GRAMD1A: variants seen among roughly 807,000 people sequenced by gnomAD.
The protein encoded by GRAMD1A is protein Aster-A.
A neutral mutation model predicts 92.0 loss-of-function variants in GRAMD1A; 50 were observed. That is an observed-to-expected ratio of 0.54 (90% CI 0.43 to 0.69). The LOEUF is 0.69. Ranked by LOEUF, GRAMD1A falls within the 30% of genes least tolerant of loss-of-function variation. The pLI is 0.00. For synonymous variants in GRAMD1A, 405 were observed against 403.6 expected (o/e 1.00, Z -0.04); for missense variants, 819 against 978.9 (o/e 0.84, Z 2.18).
chr19:35,013,196 T>C lies in GRAMD1A; in HGVS notation c.607-60T>C, dbSNP rs2015365445. ...GGAGGCCGAGGGCTGGTGGGGAATC[T>C]GGCGGGCCGGGCTCTGGCTGGGGTG... On this transcript the variant is annotated intron_variant, in intron 7 of 19. Transcript: ENST00000317991. The surrounding 1 kb of genome is among the most constrained non-coding windows in gnomAD (Gnocchi z 4.9). The C allele has an allele frequency of 3.4e-6, 3 of 891,758 alleles. No individual in the cohort carries two copies. The highest frequency in any genetic ancestry group is 5.3e-6 in the Non-Finnish European group (3 of 568,600). The allele number at this position is 891,758 out of a possible 1,614,324, so 55.2% of individuals were successfully genotyped here.
chr19:35,017,277 T>G (rs2015709301), intron 11 of GRAMD1A, among the ~76,000 whole-genome samples: 1 of 152,138 alleles, frequency 6.6e-6, no homozygotes, highest in Non-Finnish European at 1.5e-5. Flanking sequence ...CTCTTTTCTT[T>G]ATAAGTTACT....
intron 16 of GRAMD1A, 52 bp from the exon 17 acceptor site, chr19:35,022,848 G>T: frequency 6.3e-7 from 1 of 1,581,894 alleles, no homozygotes; most frequent in Middle Eastern, 1.9e-4. Context: ...GGTGTCGGGG[G>T]CAGGCCAGGC....
chr19:35,016,283 G>A (rs191085881), intron 11 of GRAMD1A, among the ~76,000 whole-genome samples: 15 of 151,352 alleles, frequency 9.9e-5, no homozygotes, highest in East Asian at 5.8e-4. Flanking sequence ...TATAGTAAGC[G>A]TTTAATAAAT....
At chr19:35,007,521 G>A (rs1357982877) in intron 1 of GRAMD1A, among the ~76,000 whole-genome samples, 2 of 151,992 alleles carry the variant, frequency 1.3e-5, no homozygotes, top group Admixed American at 6.6e-5. Flanking sequence ...TCATGCCATT[G>A]CACTGCAGCC....
intron 17 of GRAMD1A, 40 bp from the exon 18 acceptor site, chr19:35,023,196 C>T: frequency 6.9e-7 from 1 of 1,448,234 alleles, no homozygotes; most frequent in Non-Finnish European, 9.7e-7. Flanking sequence ...TTCAGAGCAT[C>T]TAGACCCCAG....
intron 1 of GRAMD1A, among the ~76,000 whole-genome samples, chr19:35,004,776 C>T (rs62122152): frequency 0.057 from 8,602 of 152,244 alleles, 339 homozygotes; most frequent in East Asian, 0.16. Context: ...TACACTCCAT[C>T]TTAGTCCGCC....
chr19:35,004,917 G>A (rs2014686142), intron 1 of GRAMD1A, among the ~76,000 whole-genome samples: 1 of 152,086 alleles, frequency 6.6e-6, no homozygotes, highest in Non-Finnish European at 1.5e-5. Flanking sequence ...ATACCCAAGA[G>A]GAAACTGAGG....
rs2015439153 is a variant in GRAMD1A at position 35,013,968 on chromosome 19, TAAG to T, written c.871-218_871-216del. 6.6e-6 allele frequency among the ~76,000 whole-genome samples: 1 copy of T among 151,954 alleles called. No homozygotes were observed. Among genetic ancestry groups the T allele is most frequent in the Non-Finnish European group, 1.5e-5 (1 of 67,974 alleles). The stretch of plus-strand genomic sequence containing the variant: ...CAGACAGACAGACGGACAGGACAGG[TAAG>T]AAAGCTTATGGCTCAGGCATCTGAG... On this transcript the variant is annotated intron_variant, in intron 9 of 19. Coordinates refer to ENST00000317991, the MANE Select transcript of GRAMD1A (RefSeq NM_020895.5). The surrounding 1 kb of genome is among the most constrained non-coding windows in gnomAD (Gnocchi z 4.9).
upstream of GRAMD1A, chr19:34,996,405 A>G (rs2014039063): frequency 2.9e-5 from 23 of 804,594 alleles, no homozygotes; most frequent in East Asian, 6.0e-4. Context: ...AGCCCCACAG[A>G]GGGCTGACTC....
intron 11 of GRAMD1A, among the ~76,000 whole-genome samples, chr19:35,017,630 T>C (rs2015737172): frequency 6.6e-6 from 1 of 152,068 alleles, no homozygotes. Context: ...CTTCTCTCAA[T>C]ATTGGCCTCC....
Position 35,009,884 on chromosome 19 carries a change from T to C in GRAMD1A, c.241-4T>C, listed in dbSNP as rs748969366. On this transcript the variant is annotated splice_region_variant and splice_polypyrimidine_tract_variant and intron_variant, in intron 3 of 19. Transcript: ENST00000317991. ...CCAGGTTCTCACCTCTCAAACTTCC[T>C]CAGATGCTGAGCCCCACTTATAAGC... The C allele has an allele frequency of 6.3e-7, 1 of 1,594,812 alleles. No individual in the cohort carries two copies. The highest frequency in any genetic ancestry group is 2.2e-5 in the East Asian group (1 of 44,804).
Position 35,021,958 on chromosome 19 carries a change from C to G in GRAMD1A, c.1761C>G (p.Leu587=). 2.5e-6 allele frequency: 4 copies of G among 1,614,070 alleles called. No individual in the cohort carries two copies. Among genetic ancestry groups the G allele is most frequent in the Non-Finnish European group, 3.4e-6 (4 of 1,179,980 alleles). ...ARAGIHTSGS[L]SSRFSEPSVD... is the part of the protein sequence containing the mutation. The stretch of plus-strand genomic sequence containing the variant: ...CAAGCTGCTCTCCTGCAGGCTCCCT[C>G]AGCTCCCGCTTCTCCGAACCATCTG... Residue 587 remains leucine (L), a synonymous_variant, in exon 16 of 20, where the codon CTC becomes CTG. Transcript: ENST00000317991. This position sits in a 1 kb window ranked among gnomAD's most constrained non-coding sequence, Gnocchi z 5.3.
intron 17 of GRAMD1A, 27 bp downstream of exon 17, chr19:35,022,938 C>T (rs2016175650): frequency 6.5e-7 from 1 of 1,527,758 alleles, no homozygotes; most frequent in Non-Finnish European, 9.0e-7. Flanking sequence ...TCCCCCTGCC[C>T]TCCCCTCCCT....
At position 35,009,912 on chromosome 19, in the gene GRAMD1A, C is replaced by T. The variant is rs2015094738; in HGVS notation, c.265C>T (p.Arg89Cys). The T allele has an allele frequency of 2.5e-6, 4 of 1,611,000 alleles. No individual in the cohort carries two copies. Among genetic ancestry groups the T allele is most frequent in the Non-Finnish European group, 3.4e-6 (4 of 1,177,206 alleles). ...GATGCTGAGCCCCACTTATAAGCAG[C>T]GTAATGAGGACTTCCGGAAACTGTT... is the stretch of plus-strand genomic sequence containing the variant. ...YSMLSPTYKQ[R>C]NEDFRKLFSK... Residue 89 changes from arginine (R) to cysteine (C), a missense_variant, in exon 4 of 20, where the codon CGT becomes TGT. By Grantham distance (180) the Arg-to-Cys change is radical. Transcript: ENST00000317991.
chr19:34,999,916 C>T (rs537429157), upstream of GRAMD1A: 8 of 833,156 alleles, frequency 9.6e-6, no homozygotes, highest in South Asian at 3.8e-4. Context: ...TTCAGGCCCC[C>T]TCCCCCATAC....
At position 35,010,174 on chromosome 19, in the gene GRAMD1A, C is replaced by T; in HGVS notation, c.408C>T (p.Asn136=). 1.2e-6 allele frequency: 2 copies of T among 1,612,890 alleles called. No homozygotes were observed. The highest frequency in any genetic ancestry group is 1.7e-6 in the Non-Finnish European group (2 of 1,178,816). ...AGAACTGGATCTGCTTCTACAGCAA[C>T]ATCTTCCGCTGGGAGACCACGGTGA... is the stretch of plus-strand genomic sequence containing the variant. ...LSENWICFYS[N]IFRWETTISI... Residue 136 remains asparagine, a synonymous_variant, in exon 5 of 20, where the codon AAC becomes AAT. Transcript: ENST00000317991.
In GRAMD1A at chr19:35,021,663, C is replaced by T; in HGVS notation, c.1580-28C>T. ...GGGGGATGGCCTGGCCAGGTATGGA[C>T]ATCCAGAGCCCCCTCTCTTTTACGC... On this transcript the variant is annotated intron_variant, in intron 14 of 19. Coordinates refer to ENST00000317991, the MANE Select transcript of GRAMD1A (RefSeq NM_020895.5). This position sits in a 1 kb window ranked among gnomAD's most constrained non-coding sequence, Gnocchi z 5.3. 1 of 1,613,920 alleles carries T rather than the reference C, an allele frequency of 6.2e-7. No homozygotes were observed. Among genetic ancestry groups the T allele is most frequent in the Non-Finnish European group, 8.5e-7 (1 of 1,179,840 alleles).
chr19:35,004,086 A>G (rs114810433), intron 1 of GRAMD1A, among the ~76,000 whole-genome samples: 3,130 of 152,202 alleles, frequency 0.021, 108 homozygotes, highest in African/African-American at 0.071. Flanking sequence ...AAAATCAGCT[A>G]GGCATGGTGG....
chr19:35,023,801 G>A, intron 19 of GRAMD1A: 1 of 409,284 alleles, frequency 2.4e-6, no homozygotes, highest in Non-Finnish European at 4.3e-6. Context: ...GCCGGGTTTG[G>A]TCACTCAATG....
Sources: allele counts gnomAD v4.1 joint callset (sites outside exome capture counted in the v4.1 genomes callset), GRCh38; gene constraint gnomAD v4.1.1; non-coding constraint Gnocchi (gnomAD v3.1); transcripts MANE v1.5; gene names NCBI Gene and HGNC (gene_info 2026-07-23, HGNC 2026-07-21).